The following SEPTIN9 variants were observed in gnomAD, a reference collection of about 807,000 sequenced individuals.
The protein encoded by SEPTIN9 is septin 9.
A neutral mutation model predicts 56.6 loss-of-function variants in SEPTIN9; 13 were observed. The ratio of observed to expected loss-of-function variants is 0.23; its 90% CI spans 0.15 to 0.37. The LOEUF (loss-of-function observed/expected upper bound fraction) is 0.37, where lower values mean the gene tolerates loss of function less well. SEPTIN9 is among the 10% of genes least tolerant of loss of function. SEPTIN9 has a pLI of 1.00. For missense variants in SEPTIN9, 650 were observed against 823.1 expected, an observed-to-expected ratio of 0.79 and a Z score of 2.57; for synonymous variants, 332 against 334.1, an observed-to-expected ratio of 0.99 and a Z score of 0.07.
chr17:77,455,121 A>G (rs916839092), intron 3 of SEPTIN9, among the ~76,000 whole-genome samples: 3 of 151,508 alleles, frequency 2.0e-5, no homozygotes, highest in African/African-American at 7.3e-5. Context: ...ATTTGGGTTC[A>G]GTAGTTGGAC....
At chr17:77,454,101 T>C in intron 3 of SEPTIN9, 1 of 985,668 alleles carries the variant, frequency 1.0e-6, no homozygotes, top group South Asian at 4.7e-5. Flanking sequence ...GTAGGGTCAA[T>C]GGCCAGGGTA....
In SEPTIN9 at chr17:77,429,524, C is replaced by T. The variant is rs2037049131; in HGVS notation, c.721+26821C>T. Among the ~76,000 whole-genome samples the T allele has an allele frequency of 6.6e-6, 1 of 152,182 alleles. No homozygotes were observed. The highest frequency in any genetic ancestry group is 2.4e-5 in the African/African-American group (1 of 41,450). On this transcript the variant is annotated intron_variant, in intron 3 of 11. Transcript: ENST00000427177. This position sits in a 1 kb window ranked among gnomAD's most constrained non-coding sequence, Gnocchi z 5.2. ...AACAGTTCGGTGGGGAGAGGAGGCG[C>T]AAGGCTGGTTCCTGTTTTCTGGGCT...
At position 77,307,233 on chromosome 17, in the gene SEPTIN9, C is replaced by T. The variant is rs770201471; in HGVS notation, c.76+36C>T. ...CGCTCCGCTCTGGCCCCACCCAGCT[C>T]ATGGGTGTGTTTGTGCTGGGGTCCC... On this transcript the variant is annotated intron_variant, in intron 2 of 11. Coordinates refer to ENST00000427177, the MANE Select transcript of SEPTIN9 (RefSeq NM_001113491.2). 10 of 1,582,396 alleles carry T rather than the reference C, an allele frequency of 6.3e-6. No homozygotes were observed. In the East Asian group the frequency reaches 8.9e-5, roughly 14 times the overall value.
intron 2 of SEPTIN9, among the ~76,000 whole-genome samples, chr17:77,354,131 T>C (rs2034147785): frequency 1.3e-5 from 2 of 152,206 alleles, no homozygotes; most frequent in Admixed American, 6.5e-5. Flanking sequence ...TGTCTTATTT[T>C]TTACTTATTT....
chr17:77,398,270 T>C (rs1238682239), intron 2 of SEPTIN9, among the ~76,000 whole-genome samples: 1 of 152,148 alleles, frequency 6.6e-6, no homozygotes, highest in Admixed American at 6.5e-5. Flanking sequence ...CCACCACGCC[T>C]GGCTTAGTAG....
rs2035874025 is a variant in SEPTIN9, at chr17:77,400,825, C to CCTG, written c.77-1231_77-1229dup. 1 of 152,742 alleles carries CCTG rather than the reference C, an allele frequency of 6.5e-6. No homozygotes were observed. Among genetic ancestry groups the CCTG allele is most frequent in the African/African-American group, 2.4e-5 (1 of 41,398 alleles). The allele number at this position is 152,742 out of a possible 1,614,324, so 9.5% of individuals were successfully genotyped here. ...AATGTGCCTGCCATGTGGGTCCCTC[C>CCTG]CTGCTCTGGCCCTGATAACCAGGAG... On this transcript the variant is annotated intron_variant, in intron 2 of 11. Transcript: ENST00000427177. The surrounding 1 kb of genome is among the most constrained non-coding windows in gnomAD (Gnocchi z 4.1).
At position 77,319,600 on chromosome 17, in the gene SEPTIN9, G is replaced by C; in HGVS notation, c.76+12403G>C. The C allele has an allele frequency of 9.4e-7, 1 of 1,061,070 alleles. No homozygotes were observed. Among genetic ancestry groups the C allele is most frequent in the Non-Finnish European group, 1.1e-6 (1 of 876,686 alleles). The allele number at this position is 1,061,070 out of a possible 1,614,324, so 65.7% of individuals were successfully genotyped here. A position where few individuals can be genotyped will look rare whatever the true frequency, so the allele number is the denominator to read the frequency against. On this transcript the variant is annotated intron_variant, in intron 2 of 11. Transcript: ENST00000427177. This position sits in a 1 kb window ranked among gnomAD's most constrained non-coding sequence, Gnocchi z 5.3. ...GCAGGTGCTCCGGAACCTTTTCTCA[G>C]CACGCTGGCCTGGGGCACGGCCGTT... is the stretch of plus-strand genomic sequence containing the variant.
Position 77,319,751 on chromosome 17 carries a change from A to C in SEPTIN9, c.76+12554A>C. Reference sequence around the variant, plus strand: ...CCCTTAAGCCCAAGGAAATCGTAGCATCGCGGGACAGGGAAAATGAAAGAC... The same window carrying C: ...CCCTTAAGCCCAAGGAAATCGTAGCCTCGCGGGACAGGGAAAATGAAAGAC... On this transcript the variant is annotated intron_variant, in intron 2 of 11. Transcript: ENST00000427177. The surrounding 1 kb of genome is among the most constrained non-coding windows in gnomAD (Gnocchi z 5.3). 9.3e-7 allele frequency: 1 copy of C among 1,071,296 alleles called. No homozygotes were observed. Among genetic ancestry groups the C allele is most frequent in the Non-Finnish European group, 1.1e-6 (1 of 882,330 alleles). 66.4% of individuals were successfully genotyped at this position (1,071,296 alleles called of 1,614,324 possible). A position where few individuals can be genotyped will look rare whatever the true frequency, so the allele number is the denominator to read the frequency against.
intron 2 of SEPTIN9, among the ~76,000 whole-genome samples, chr17:77,366,573 T>G (rs2034576198): frequency 1.3e-5 from 2 of 152,218 alleles, no homozygotes; most frequent in South Asian, 4.1e-4. Context: ...GGGGTCATAC[T>G]TTCCACCCAG....
intron 2 of SEPTIN9, among the ~76,000 whole-genome samples, chr17:77,335,664 A>G (rs2143730900): frequency 7.2e-6 from 1 of 138,106 alleles, no homozygotes; most frequent in South Asian, 2.4e-4. Context: ...ATATACATGT[A>G]GGCCCTATGT....
chr17:77,443,807 G>GA (rs945068039), intron 3 of SEPTIN9, among the ~76,000 whole-genome samples: 8 of 150,794 alleles, frequency 5.3e-5, no homozygotes, highest in East Asian at 1.9e-4. Flanking sequence ...CAAAAAAAAA[G>GA]AAAAAAAAGA....
chr17:77,373,022 A>G (rs886506483), intron 2 of SEPTIN9, among the ~76,000 whole-genome samples: 4 of 151,484 alleles, frequency 2.6e-5, no homozygotes, highest in Admixed American at 1.3e-4. Flanking sequence ...CCTCCTCGCC[A>G]TGGCCCGGCC....
At position 77,450,737 on chromosome 17, in the gene SEPTIN9, A is replaced by G. The variant is rs2037932615; in HGVS notation, c.722-31407A>G. On this transcript the variant is annotated intron_variant, in intron 3 of 11. Coordinates refer to ENST00000427177, the MANE Select transcript of SEPTIN9 (RefSeq NM_001113491.2). The surrounding 1 kb of genome is among the most constrained non-coding windows in gnomAD (Gnocchi z 6.0). ...CAGGGGCTGGAGAGGCTGGAGAGGC[A>G]GGAGCTGGATCAGATCTGAATCCAG... 15 of 986,156 alleles carry G rather than the reference A, an allele frequency of 1.5e-5. No homozygotes were observed. In the South Asian group the frequency reaches 6.6e-4, roughly 43 times the overall value. 61.1% of individuals were successfully genotyped at this position (986,156 alleles called of 1,614,324 possible).
rs999097417 is a variant in SEPTIN9, at chr17:77,310,271, C to T, written c.76+3074C>T. On this transcript the variant is annotated intron_variant, in intron 2 of 11. Coordinates refer to ENST00000427177, the MANE Select transcript of SEPTIN9 (RefSeq NM_001113491.2). The surrounding 1 kb of genome is among the most constrained non-coding windows in gnomAD (Gnocchi z 4.7). ...TGCTGGGATTATAGGTGTGAGCCAC[C>T]GCATCCGGCCTGGTCTCCTCTTGCA... Among the ~76,000 whole-genome samples the T allele has an allele frequency of 1.4e-4, 21 of 152,252 alleles. No individual in the cohort carries two copies. Among genetic ancestry groups the T allele is most frequent in the East Asian group, 1.9e-4 (1 of 5,174 alleles).
chr17:77,497,441 G>T, intron 11 of SEPTIN9, 75 bp downstream of exon 11: 4 of 1,414,586 alleles, frequency 2.8e-6, no homozygotes, highest in Non-Finnish European at 4.0e-6. Flanking sequence ...GGGGCAGTGG[G>T]TGTGGGGCCG....
chr17:77,300,404 G>C (rs2031986971), intron 1 of SEPTIN9, among the ~76,000 whole-genome samples: 1 of 152,150 alleles, frequency 6.6e-6, no homozygotes, highest in South Asian at 2.1e-4. Context: ...TCTGTGTCTA[G>C]GCAGGGGGTG....
At chr17:77,320,881 ACGTGTGTGTG>A (rs1335744060) in intron 2 of SEPTIN9, among the ~76,000 whole-genome samples, 2 of 152,184 alleles carry the variant, frequency 1.3e-5, no homozygotes, top group African/African-American at 2.4e-5. Context: ...GTGTGTGTGC[ACGTGTGTGTG>A]CATGTGTGTG....
At chr17:77,488,215 ACT>A (rs762767329) in intron 5 of SEPTIN9, 23 bp from the exon 6 acceptor site, 6 of 1,611,616 alleles carry the variant, frequency 3.7e-6, no homozygotes, top group Non-Finnish European at 4.2e-6. Context: ...CTCCCCTCTG[ACT>A]CTGCGTCCGT....
At chr17:77,493,460 C>A (rs312798) in intron 10 of SEPTIN9, among the ~76,000 whole-genome samples, 82,590 of 151,672 alleles carry the variant, frequency 0.54, 24,148 homozygotes, top group African/African-American at 0.77. Context: ...GGACCCTCGG[C>A]CCCTTACCCT....
Sources: gnomAD v4.1 joint callset for allele counts (sites outside exome capture counted in the v4.1 genomes callset) on GRCh38, gnomAD v4.1.1 for gene constraint, Gnocchi (gnomAD v3.1) non-coding constraint, MANE v1.5 for transcripts, NCBI Gene and HGNC (gene_info 2026-07-23, HGNC 2026-07-21) for gene names.